Variants in ZNF385D observed in about 807,000 individuals in gnomAD.
ZNF385D encodes zinc finger protein 385D.
A neutral mutation model predicts 35.8 loss-of-function variants in ZNF385D; 15 were observed. The ratio of observed to expected loss-of-function variants is 0.42; its 90% CI spans 0.28 to 0.64. ZNF385D has a LOEUF of 0.64. Among genes scored for constraint, ZNF385D ranks in the 30% least tolerant of loss-of-function variants. The pLI, the probability that ZNF385D is intolerant of heterozygous loss-of-function variation, is 0.23. For missense variants in ZNF385D, 474 were observed against 494.6 expected (o/e 0.96, Z 0.39); for synonymous variants, 212 against 186.8 (o/e 1.13, Z -1.10).
intron 2 of ZNF385D, among the ~76,000 whole-genome samples, chr3:22,259,710 C>T (rs527453520): frequency 5.6e-4 from 85 of 152,010 alleles, no homozygotes; most frequent in Middle Eastern, 6.8e-3. Context: ...ACTATGAGCA[C>T]GTAGTAGTGA....
At chr3:21,814,345 A>T (rs182252857) in intron 3 of ZNF385D, among the ~76,000 whole-genome samples, 1 of 152,328 alleles carries the variant, frequency 6.6e-6, no homozygotes, top group Non-Finnish European at 1.5e-5. Flanking sequence ...ATTCACACAT[A>T]ACAATATTAA....
intron 3 of ZNF385D, among the ~76,000 whole-genome samples, chr3:22,096,910 T>C (rs1325062496): frequency 1.3e-5 from 2 of 152,076 alleles, no homozygotes; most frequent in Non-Finnish European, 2.9e-5. Context: ...ACAGCTGAAA[T>C]GACCTAATGT....
chr3:21,649,381 C>T (rs964550885), intron 2 of ZNF385D, among the ~76,000 whole-genome samples: 4 of 152,034 alleles, frequency 2.6e-5, no homozygotes, highest in African/African-American at 7.2e-5. Context: ...AGAGGGGAGT[C>T]ATCATAGATT....
At chr3:21,579,715 T>A (rs2063596107) in intron 2 of ZNF385D, 1 of 152,134 alleles carries the variant, frequency 6.6e-6, no homozygotes, top group African/African-American at 2.4e-5. Flanking sequence ...AAATTTGAAA[T>A]CCAGGTGCTG....
At chr3:21,903,770 T>C (rs1699534933) in intron 3 of ZNF385D, among the ~76,000 whole-genome samples, 1 of 152,114 alleles carries the variant, frequency 6.6e-6, no homozygotes, top group South Asian at 2.1e-4. Flanking sequence ...TAAACCCTAA[T>C]AAAGATTAAA....
chr3:22,099,580 G>C (rs1423411267), intron 3 of ZNF385D, among the ~76,000 whole-genome samples: 2 of 152,062 alleles, frequency 1.3e-5, no homozygotes, highest in Non-Finnish European at 2.9e-5. Context: ...AGGCTAACGA[G>C]TTAATTTGAG....
chr3:21,960,454 C>T (rs1009594027), intron 3 of ZNF385D, among the ~76,000 whole-genome samples: 2 of 76,956 alleles, frequency 2.6e-5, no homozygotes, highest in Admixed American at 2.0e-4. Flanking sequence ...GGTGTGGATG[C>T]AGTAAAAAAC....
chr3:21,891,741 C>G (rs1698879003), intron 3 of ZNF385D, among the ~76,000 whole-genome samples: 1 of 152,108 alleles, frequency 6.6e-6, no homozygotes, highest in Admixed American at 6.5e-5. Context: ...ATCTGAGATA[C>G]TAATTAATGA....
In ZNF385D at chr3:22,110,492, C is replaced by T. The variant is rs1388602111; in HGVS notation, c.325+58325G>A. The stretch of plus-strand genomic sequence containing the variant: ...GATGAGTTCATGTCCTTTGTAGGGA[C>T]ACGGACGAAGCTGGAAACCATCATT... On this transcript the variant is annotated intron_variant, in intron 3 of 5. Transcript: ENST00000494108. Among the ~76,000 whole-genome samples, 6 of 152,028 alleles carry T rather than the reference C, an allele frequency of 3.9e-5. No individual in the cohort carries two copies. In the East Asian group the frequency reaches 7.7e-4, roughly 20 times the overall value.
chr3:22,181,074 AAT>A (rs1695236752), intron 2 of ZNF385D, among the ~76,000 whole-genome samples: 1 of 151,800 alleles, frequency 6.6e-6, no homozygotes, highest in African/African-American at 2.4e-5. Context: ...GTCTTTTTGT[AAT>A]ATAGACTTTC....
At position 21,922,437 on chromosome 3, in the gene ZNF385D, A is replaced by G. The variant is rs6793799; in HGVS notation, c.325+246380T>C. On this transcript the variant is annotated intron_variant, in intron 3 of 5. Coordinates refer to the ZNF385D transcript ENST00000494108. ...AATTTCATGGTACTGGTACAAAAGC[A>G]GATACATATACCAATGGAACAGAAT... is the stretch of plus-strand genomic sequence containing the variant. Among the ~76,000 whole-genome samples, 584 of 152,356 alleles carry G rather than the reference A, an allele frequency of 3.8e-3. 3 individuals are homozygous for G. The highest frequency in any genetic ancestry group is 0.013 in the African/African-American group (555 of 41,578).
chr3:22,002,008 A>C (rs1587295), intron 3 of ZNF385D, among the ~76,000 whole-genome samples: 45 of 151,420 alleles, frequency 3.0e-4, no homozygotes, highest in Admixed American at 3.0e-3. Context: ...AAATAAACAA[A>C]CTTGTAACAA....
intron 2 of ZNF385D, among the ~76,000 whole-genome samples, chr3:22,316,745 A>C (rs1199836301): frequency 6.6e-6 from 1 of 152,212 alleles, no homozygotes. Context: ...TTTTGTCTAC[A>C]CAGCTACCAA....
chr3:21,884,780 A>C lies in ZNF385D; in HGVS notation c.326-219752T>G, dbSNP rs146191156. On this transcript the variant is annotated intron_variant, in intron 3 of 5. Transcript: ENST00000494108. ...CCAGTGACATTATACAGGGAGATTG[A>C]AATTGACCATATGGCAATATTTACA... Among the ~76,000 whole-genome samples, 411 of 152,184 alleles carry C rather than the reference A, an allele frequency of 2.7e-3. 2 individuals are homozygous for C. Among genetic ancestry groups the C allele is most frequent in the African/African-American group, 9.5e-3 (394 of 41,556 alleles).
intron 3 of ZNF385D, among the ~76,000 whole-genome samples, chr3:21,966,949 G>A (rs915882232): frequency 2.6e-5 from 4 of 152,162 alleles, no homozygotes; most frequent in African/African-American, 9.7e-5. Context: ...GCATGCACAT[G>A]CACGTGGATT....
intron 3 of ZNF385D, among the ~76,000 whole-genome samples, chr3:22,039,029 G>A (rs1576205521): frequency 1.3e-5 from 2 of 151,362 alleles, no homozygotes; most frequent in Non-Finnish European, 2.9e-5. Flanking sequence ...TTTATGTAGT[G>A]ATCTGAAGAA....
chr3:22,236,427 C>T (rs114184203), intron 2 of ZNF385D, among the ~76,000 whole-genome samples: 2,375 of 152,148 alleles, frequency 0.016, 60 homozygotes, highest in African/African-American at 0.053. Context: ...AAACTCCTGG[C>T]TTCAAGTGAT....
At chr3:22,284,085 C>G (rs993706909) in intron 2 of ZNF385D, among the ~76,000 whole-genome samples, 2 of 152,108 alleles carry the variant, frequency 1.3e-5, no homozygotes, top group African/African-American at 4.8e-5. Context: ...TTTATACTTA[C>G]TTGAGGCAAG....
intron 3 of ZNF385D, among the ~76,000 whole-genome samples, chr3:22,095,035 A>G (rs1412525723): frequency 1.3e-5 from 2 of 151,028 alleles, no homozygotes; most frequent in African/African-American, 2.4e-5. Context: ...AGACTCCCCA[A>G]CAGTTAGGAC....
Sources: allele counts gnomAD v4.1 joint callset (sites outside exome capture counted in the v4.1 genomes callset), GRCh38; gene constraint gnomAD v4.1.1; transcripts MANE v1.5; gene names NCBI Gene and HGNC (gene_info 2026-07-23, HGNC 2026-07-21).